The following DLG2 variants were observed in gnomAD, a reference collection of about 807,000 sequenced individuals.
DLG2 encodes discs large MAGUK scaffold protein 2.
DLG2 carries 45 observed loss-of-function variants against 132.5 expected under a neutral mutation model. The ratio of observed to expected loss-of-function variants is 0.34; its 90% CI spans 0.27 to 0.44. The LOEUF (loss-of-function observed/expected upper bound fraction) is 0.44. Among genes scored for constraint, DLG2 ranks in the 20% least tolerant of loss-of-function variants. DLG2 has a pLI of 1.00. For synonymous variants in DLG2, 424 were observed against 419.6 expected (o/e 1.01, Z -0.13); for missense variants, 1,045 against 1,196.9 (o/e 0.87, Z 1.87).
chr11:85,549,575 C>A (rs1164953517), intron 3 of DLG2, among the ~76,000 whole-genome samples: 1 of 152,160 alleles, frequency 6.6e-6, no homozygotes, highest in African/African-American at 2.4e-5. Context: ...GCAACTCCAT[C>A]TTGTATAGGG....
chr11:85,097,151 G>C, intron 6 of DLG2, among the ~76,000 whole-genome samples: 1 of 152,036 alleles, frequency 6.6e-6, no homozygotes, highest in Non-Finnish European at 1.5e-5. Flanking sequence ...TCATCTCCCA[G>C]GGTAGTTCCA....
intron 6 of DLG2, among the ~76,000 whole-genome samples, chr11:85,089,123 A>T (rs1011874256): frequency 2.7e-5 from 4 of 150,038 alleles, no homozygotes; most frequent in African/African-American, 4.9e-5. Flanking sequence ...TAAACTTCTA[A>T]TTTTTTTTTT....
chr11:83,505,158 T>C (rs1047787568), intron 21 of DLG2, among the ~76,000 whole-genome samples: 1 of 152,176 alleles, frequency 6.6e-6, no homozygotes, highest in African/African-American at 2.4e-5. Flanking sequence ...TCTATTCCAG[T>C]GAGGACAAAC....
At chr11:84,504,784 A>AT (rs1283568431) in intron 7 of DLG2, among the ~76,000 whole-genome samples, 1 of 151,692 alleles carries the variant, frequency 6.6e-6, no homozygotes, top group Admixed American at 6.6e-5. Flanking sequence ...CCTTTAGCTG[A>AT]TAAAAAGTCA....
chr11:85,099,668 C>T (rs988142452), intron 6 of DLG2, among the ~76,000 whole-genome samples: 7 of 152,102 alleles, frequency 4.6e-5, no homozygotes, highest in African/African-American at 1.7e-4. Flanking sequence ...TGGGATTATT[C>T]GCTTGGAAGA....
At chr11:84,755,551 G>T (rs1055244103) in intron 6 of DLG2, among the ~76,000 whole-genome samples, 121 of 152,322 alleles carry the variant, frequency 7.9e-4, no homozygotes, top group African/African-American at 2.9e-3. Flanking sequence ...AGCCTCCCAA[G>T]TAGCTGGGAC....
chr11:85,539,441 G>A (rs1356478714), intron 3 of DLG2, among the ~76,000 whole-genome samples: 1 of 152,098 alleles, frequency 6.6e-6, no homozygotes. Flanking sequence ...GAAGAATTGA[G>A]GAAATATTTC....
intron 6 of DLG2, among the ~76,000 whole-genome samples, chr11:84,839,449 C>T (rs892684196): frequency 6.6e-6 from 1 of 152,094 alleles, no homozygotes; most frequent in African/African-American, 2.4e-5. Flanking sequence ...ATGCCATCCC[C>T]ATCAAGCTAC....
chr11:84,791,471 G>A (rs2073834567), intron 6 of DLG2, among the ~76,000 whole-genome samples: 1 of 152,214 alleles, frequency 6.6e-6, no homozygotes, highest in Non-Finnish European at 1.5e-5. Flanking sequence ...TTCTATTTAT[G>A]TGAAGAATAT....
chr11:83,537,826 AAAAAAAAAAGAG>A (rs1375058832), intron 20 of DLG2, among the ~76,000 whole-genome samples: 43 of 139,554 alleles, frequency 3.1e-4, no homozygotes, highest in African/African-American at 1.1e-3. Flanking sequence ...AAAAAAAAAA[AAAAAAAAAAGAG>A]AGAGAGAGAT....
intron 9 of DLG2, among the ~76,000 whole-genome samples, chr11:84,127,340 T>C (rs1231092170): frequency 6.6e-6 from 1 of 152,198 alleles, no homozygotes; most frequent in East Asian, 1.9e-4. Flanking sequence ...GGTTTTCCTT[T>C]ACATTTAGCT....
rs374911304 is a variant in DLG2, at chr11:85,154,608, T to C, written c.230A>G (p.Glu77Gly). ...AAAACTCTGATTTTCTTTATTTTGC[T>C]CAATACATGAAGCATTTTCCTTTGA... is the stretch of plus-strand genomic sequence containing the variant. ...SGSKENASCI[E>G]QNKENQSFEN... is the part of the protein sequence containing the mutation. Residue 77 changes from glutamate to glycine, a missense_variant, in exon 5 of 28, where the codon GAG becomes GGG. By Grantham distance (98) the Glu-to-Gly change is moderately conservative. Around this residue, in one of 4 missense-constraint regions of DLG2, gnomAD observed 277 missense variants for 238.2 expected, o/e 1.16. Transcript: ENST00000376104. 7.8e-6 allele frequency: 12 copies of C among 1,540,532 alleles called. No individual in the cohort carries two copies. Among genetic ancestry groups the C allele is most frequent in the East Asian group, 7.4e-5 (3 of 40,800 alleles).
chr11:85,479,907 A>G (rs184734575), intron 3 of DLG2, among the ~76,000 whole-genome samples: 11 of 152,212 alleles, frequency 7.2e-5, no homozygotes, highest in Admixed American at 5.9e-4. Flanking sequence ...TCCTTCTTAT[A>G]AGAATACCAA....
intron 4 of DLG2, among the ~76,000 whole-genome samples, chr11:85,241,889 T>G (rs957120591): frequency 6.6e-6 from 1 of 151,970 alleles, no homozygotes; most frequent in African/African-American, 2.4e-5. Flanking sequence ...CTAGATAGTT[T>G]TGCAACTGAT....
chr11:84,676,320 C>A (rs977518160), intron 6 of DLG2, among the ~76,000 whole-genome samples: 11 of 152,062 alleles, frequency 7.2e-5, no homozygotes, highest in Non-Finnish European at 1.6e-4. Context: ...TTAGTCAGTT[C>A]TTTCTTTTTC....
chr11:84,663,331 C>G (rs2099696707), intron 6 of DLG2, among the ~76,000 whole-genome samples: 1 of 151,434 alleles, frequency 6.6e-6, no homozygotes, highest in African/African-American at 2.4e-5. Flanking sequence ...CCATCTCTTT[C>G]TCCCTCCCTT....
intron 6 of DLG2, among the ~76,000 whole-genome samples, chr11:84,552,753 G>C (rs1434348811): frequency 6.6e-6 from 1 of 152,176 alleles, no homozygotes; most frequent in African/African-American, 2.4e-5. Context: ...TAGCCACCTA[G>C]TAACTGGTTT....
intron 14 of DLG2, among the ~76,000 whole-genome samples, chr11:83,937,734 C>CAAAT (rs2081813818): frequency 1.3e-5 from 2 of 152,020 alleles, no homozygotes; most frequent in African/African-American, 4.8e-5. Flanking sequence ...AATAACCTCA[C>CAAAT]TAGGAATAAA....
At chr11:83,686,470 A>C (rs913562342) in intron 18 of DLG2, among the ~76,000 whole-genome samples, 43 of 152,142 alleles carry the variant, frequency 2.8e-4, no homozygotes, top group African/African-American at 1.0e-3. Flanking sequence ...CCTCTACCCA[A>C]CTAGAATGTA....
Sources: allele counts gnomAD v4.1 joint callset (sites outside exome capture counted in the v4.1 genomes callset), GRCh38; gene constraint gnomAD v4.1.1; regional missense constraint gnomAD v4.1.1; transcripts MANE v1.5; gene names NCBI Gene and HGNC (gene_info 2026-07-23, HGNC 2026-07-21).